MYO5A: variants seen among roughly 807,000 people sequenced by gnomAD.
MYO5A encodes myosin VA.
MYO5A carries 98 observed loss-of-function variants against 249.7 expected under a neutral mutation model. The observed-to-expected ratio is 0.39, with a 90% CI of 0.33 to 0.46. The LOEUF is 0.46. Among genes scored for constraint, MYO5A ranks in the 20% least tolerant of loss-of-function variants. The pLI, the probability that MYO5A is intolerant of heterozygous loss-of-function variation, is 0.98. For synonymous variants in MYO5A, 778 were observed against 810.6 expected, an observed-to-expected ratio of 0.96 and a Z score of 0.68; for missense variants, 1,696 against 2,308.8, an observed-to-expected ratio of 0.73 and a Z score of 5.44.
intron 1 of MYO5A, among the ~76,000 whole-genome samples, chr15:52,503,038 C>G (rs1693498): frequency 0.93 from 142,114 of 152,238 alleles, 67,121 homozygotes; most frequent in East Asian, 1. Context: ...GTAGCAGGGA[C>G]GGGGAGATAA....
chr15:52,389,750 C>T (rs936489472), intron 12 of MYO5A, among the ~76,000 whole-genome samples: 4 of 152,046 alleles, frequency 2.6e-5, no homozygotes, highest in East Asian at 1.9e-4. Context: ...GTCAGGAGTT[C>T]GAGATTAGCC....
rs865925299 is a variant in MYO5A, at chr15:52,361,936, A to G, written c.3310-1855T>C. On this transcript the variant is annotated intron_variant, in intron 24 of 41. Transcript: ENST00000399233. ...CTTTGTCAAGACTAACGACCCCATGATTGACATGCTGGTTTCCCTCCCCTC... is the reference window on the plus strand; with the variant it reads ...CTTTGTCAAGACTAACGACCCCATGGTTGACATGCTGGTTTCCCTCCCCTC... 3.3e-5 allele frequency among the ~76,000 whole-genome samples: 5 copies of G among 152,202 alleles called. No individual in the cohort carries two copies. The South Asian group carries it at 6.2e-4, about 19-fold the overall frequency.
chr15:52,466,080 C>T (rs1008061013), intron 1 of MYO5A, among the ~76,000 whole-genome samples: 4 of 152,102 alleles, frequency 2.6e-5, no homozygotes, highest in African/African-American at 4.8e-5. Context: ...ATCTAACATG[C>T]GGAGCAGCCA....
At chr15:52,423,057 G>T (rs372949114) in intron 4 of MYO5A, among the ~76,000 whole-genome samples, 1 of 152,206 alleles carries the variant, frequency 6.6e-6, no homozygotes, top group South Asian at 2.1e-4. Context: ...TGACTTCGTG[G>T]GGTAGGAATT....
intron 18 of MYO5A, among the ~76,000 whole-genome samples, chr15:52,377,036 T>C (rs1295964102): frequency 6.6e-6 from 1 of 151,518 alleles, no homozygotes; most frequent in African/African-American, 2.4e-5. Context: ...AATCCTTGGG[T>C]ATTCATATTG....
At chr15:52,513,428 T>TGC in intron 1 of MYO5A, among the ~76,000 whole-genome samples, 1 of 120,118 alleles carries the variant, frequency 8.3e-6, no homozygotes, top group Non-Finnish European at 1.8e-5. Flanking sequence ...CAAAACTCCA[T>TGC]CTTAAAAAAA....
intron 13 of MYO5A, among the ~76,000 whole-genome samples, chr15:52,388,133 G>A (rs1006108064): frequency 1.3e-5 from 2 of 152,284 alleles, no homozygotes; most frequent in South Asian, 4.1e-4. Context: ...AACAGTGGTA[G>A]CGCTGATTGT....
rs143800513 is a variant in MYO5A at position 52,379,836 on chromosome 15, G to A, written c.2085C>T (p.Ala695=). The change falls in exon 17 of 42, where the codon GCC becomes GCT. Residue 695 remains alanine (A), a synonymous_variant. Coordinates refer to ENST00000399233, the MANE Select transcript of MYO5A (RefSeq NM_001382347.1). Reference sequence around the variant, plus strand: ...GCCAGGCTCACCGTGAGGGGAAACCGGCCGCACTGATTCGGATGGTTTCCA... The same window carrying A: ...GCCAGGCTCACCGTGAGGGGAAACCAGCCGCACTGATTCGGATGGTTTCCA... ...GVLETIRISA[A]GFPSRWTYQE... is the part of the protein sequence containing the mutation. The A allele has an allele frequency of 6.6e-5, 106 of 1,614,074 alleles. 1 individual carries two copies. Among genetic ancestry groups the A allele is most frequent in the South Asian group, 2.1e-4 (19 of 91,078 alleles).
Position 52,442,622 on chromosome 15 carries a change from C to A in MYO5A, c.28-9337G>T, listed in dbSNP as rs116933213. Among the ~76,000 whole-genome samples, 540 of 152,260 alleles carry A rather than the reference C, an allele frequency of 3.5e-3. 20 individuals are homozygous for A. In the East Asian group the frequency reaches 0.074, roughly 21 times the overall value. On this transcript the variant is annotated intron_variant, in intron 1 of 41. Coordinates refer to ENST00000399233, the MANE Select transcript of MYO5A (RefSeq NM_001382347.1). Reference sequence around the variant, plus strand: ...TCATTCAAATAATCACAATAACTAACCCCAGTACTAACCCATTTTAACAGC... The same window carrying A: ...TCATTCAAATAATCACAATAACTAAACCCAGTACTAACCCATTTTAACAGC...
intron 1 of MYO5A, among the ~76,000 whole-genome samples, chr15:52,437,815 A>G (rs562772862): frequency 6.6e-6 from 1 of 152,306 alleles, no homozygotes; most frequent in South Asian, 2.1e-4. Context: ...GTATTTTGCA[A>G]AAAGTAGATA....
intron 1 of MYO5A, among the ~76,000 whole-genome samples, chr15:52,466,914 T>C (rs2076365137): frequency 6.6e-6 from 1 of 152,120 alleles, no homozygotes; most frequent in Admixed American, 6.5e-5. Flanking sequence ...ACCCATGACA[T>C]CACAGCTGCA....
intron 14 of MYO5A, among the ~76,000 whole-genome samples, chr15:52,386,702 A>G (rs2041989189): frequency 6.6e-6 from 1 of 151,978 alleles, no homozygotes; most frequent in Non-Finnish European, 1.5e-5. Flanking sequence ...ATGCACCACC[A>G]TGCCCAGCAA....
chr15:52,464,212 G>A (rs1364721736), intron 1 of MYO5A, among the ~76,000 whole-genome samples: 1 of 152,182 alleles, frequency 6.6e-6, no homozygotes, highest in Non-Finnish European at 1.5e-5. Flanking sequence ...TCATTGTGCT[G>A]CATCTGAATT....
intron 3 of MYO5A, among the ~76,000 whole-genome samples, chr15:52,426,563 C>G (rs760571234): frequency 6.6e-6 from 1 of 152,070 alleles, no homozygotes; most frequent in Non-Finnish European, 1.5e-5. Flanking sequence ...CCCAGGCTTA[C>G]GAAATCCTCC....
In MYO5A at chr15:52,372,121, C is replaced by T. The variant is rs117029104; in HGVS notation, c.2817+3G>A. ...ACTCTCAGGGCCCCTTTGTGAAACA[C>T]ACCTGCTCATCAACTTTGCGCTGCA... On this transcript the variant is annotated splice_donor_region_variant and intron_variant, in intron 21 of 41. Transcript: ENST00000399233. The T allele has an allele frequency of 0.027, 42,876 of 1,613,506 alleles. 700 individuals are homozygous for T. The highest frequency in any genetic ancestry group is 0.032 in the Non-Finnish European group (37,185 of 1,180,000).
chr15:52,422,704 T>A (rs954461764), intron 4 of MYO5A, among the ~76,000 whole-genome samples: 2 of 152,108 alleles, frequency 1.3e-5, no homozygotes, highest in African/African-American at 4.8e-5. Context: ...TCTTCTAATT[T>A]TTTTGTAACT....
intron 39 of MYO5A, among the ~76,000 whole-genome samples, chr15:52,317,435 G>T (rs1378578221): frequency 1.3e-5 from 2 of 152,188 alleles, no homozygotes; most frequent in Non-Finnish European, 2.9e-5. Flanking sequence ...ACAAGATAAT[G>T]TAATTCTCTT....
At chr15:52,338,826 C>T (rs1440896993) in intron 32 of MYO5A, among the ~76,000 whole-genome samples, 3 of 152,142 alleles carry the variant, frequency 2.0e-5, no homozygotes, top group Non-Finnish European at 4.4e-5. Flanking sequence ...ATCTGCCACC[C>T]AGAAGCATCT....
intron 1 of MYO5A, among the ~76,000 whole-genome samples, chr15:52,466,022 C>T (rs11856662): frequency 0.15 from 22,878 of 152,086 alleles, 1,837 homozygotes; most frequent in Middle Eastern, 0.22. Context: ...ACTAGGGAAT[C>T]GAGCAATCCA....
Sources: gnomAD v4.1 joint callset for allele counts (sites outside exome capture counted in the v4.1 genomes callset) on GRCh38, gnomAD v4.1.1 for gene constraint, MANE v1.5 for transcripts, NCBI Gene and HGNC (gene_info 2026-07-23, HGNC 2026-07-21) for gene names.